SH3GL3: variants seen among roughly 807,000 people sequenced by gnomAD.
SH3GL3 encodes SH3 domain containing GRB2 like 3, endophilin A3.
In SH3GL3, 33 loss-of-function variants were observed where a neutral mutation model predicts 47.7. The observed-to-expected ratio is 0.69, with a 90% CI of 0.52 to 0.92. SH3GL3 has a LOEUF of 0.92. Among genes scored for constraint, SH3GL3 ranks in the 40% least tolerant of loss-of-function variants. The probability of loss-of-function intolerance (pLI) is 0.00; values close to 1 mark genes in which losing one functional copy is unlikely to be tolerated. For missense variants in SH3GL3, 363 were observed against 417.8 expected, an observed-to-expected ratio of 0.87 and a Z score of 1.14; for synonymous variants, 155 against 148.8, an observed-to-expected ratio of 1.04 and a Z score of -0.30.
chr15:83,520,433 G>A (rs1009099341), intron 1 of SH3GL3, among the ~76,000 whole-genome samples: 14 of 152,292 alleles, frequency 9.2e-5, no homozygotes, highest in African/African-American at 2.6e-4. Flanking sequence ...AGTAATTTGC[G>A]TGTGGTGAGA....
intron 1 of SH3GL3, among the ~76,000 whole-genome samples, chr15:83,496,115 T>C (rs1176032011): frequency 1.3e-5 from 2 of 152,052 alleles, no homozygotes; most frequent in African/African-American, 2.4e-5. Context: ...TCCCAGAACT[T>C]TGGGAGGCCA....
intron 1 of SH3GL3, among the ~76,000 whole-genome samples, chr15:83,485,805 A>C (rs563792244): frequency 6.6e-6 from 1 of 152,130 alleles, no homozygotes; most frequent in Admixed American, 6.5e-5. Context: ...CCGGAAGTTT[A>C]CTTTTTACTG....
chr15:83,526,376 G>A (rs763805697), intron 1 of SH3GL3, among the ~76,000 whole-genome samples: 1 of 152,178 alleles, frequency 6.6e-6, no homozygotes, highest in Non-Finnish European at 1.5e-5. Flanking sequence ...TATGTTCAAT[G>A]CAACACTATT....
chr15:83,550,289 GA>G (rs1251390731), intron 1 of SH3GL3, among the ~76,000 whole-genome samples: 1 of 152,228 alleles, frequency 6.6e-6, no homozygotes, highest in Non-Finnish European at 1.5e-5. Context: ...AGTCCTTGGA[GA>G]TTTTCCTATT....
At chr15:83,529,062 T>A (rs1158224481) in intron 1 of SH3GL3, among the ~76,000 whole-genome samples, 3 of 138,450 alleles carry the variant, frequency 2.2e-5, no homozygotes, top group Admixed American at 7.1e-5. Flanking sequence ...TATGATTTAT[T>A]TGATTGTGAA....
chr15:83,632,741 A>G, the SH3GL3 span, among the ~76,000 whole-genome samples: 2 of 152,156 alleles, frequency 1.3e-5, no homozygotes, highest in African/African-American at 4.8e-5. Flanking sequence ...ATTACCTCCC[A>G]CTGGGTCCCA....
At chr15:83,609,953 G>A (rs1476404405) in intron 8 of SH3GL3, among the ~76,000 whole-genome samples, 2 of 152,176 alleles carry the variant, frequency 1.3e-5, no homozygotes, top group African/African-American at 4.8e-5. Context: ...CCTGGAGTGG[G>A]CACTGTTTTT....
At chr15:83,510,366 A>G (rs2042696879) in intron 1 of SH3GL3, among the ~76,000 whole-genome samples, 1 of 152,184 alleles carries the variant, frequency 6.6e-6, no homozygotes, top group African/African-American at 2.4e-5. Flanking sequence ...CTGATGGCCC[A>G]CTATATTACA....
intron 1 of SH3GL3, among the ~76,000 whole-genome samples, chr15:83,474,949 A>G (rs2041026608): frequency 6.6e-6 from 1 of 152,032 alleles, no homozygotes. Context: ...CTGGCAAGAA[A>G]TGAGGTGGAG....
chr15:83,480,730 A>G, intron 1 of SH3GL3, among the ~76,000 whole-genome samples: 1 of 152,192 alleles, frequency 6.6e-6, no homozygotes, highest in East Asian at 1.9e-4. Flanking sequence ...AATAACAACT[A>G]TTTATTTAGC....
intron 1 of SH3GL3, chr15:83,491,054 C>T: frequency 1.3e-5 from 18 of 1,370,940 alleles, no homozygotes; most frequent in Non-Finnish European, 1.7e-5. Context: ...TGATGATTGA[C>T]AAAGACCTAA....
intron 5 of SH3GL3, 93 bp from the exon 6 acceptor site, chr15:83,576,490 G>T: frequency 8.1e-7 from 1 of 1,229,658 alleles, no homozygotes; most frequent in South Asian, 1.6e-5. Flanking sequence ...AATCTAGGCC[G>T]AGAAAAAGCA....
At chr15:83,543,741 T>C (rs1335602189) in intron 1 of SH3GL3, among the ~76,000 whole-genome samples, 1 of 152,106 alleles carries the variant, frequency 6.6e-6, no homozygotes, top group East Asian at 1.9e-4. Context: ...TGGTTTAATA[T>C]TGGTAGGTTG....
At chr15:83,580,239 G>A (rs958301634) in intron 6 of SH3GL3, among the ~76,000 whole-genome samples, 1 of 152,156 alleles carries the variant, frequency 6.6e-6, no homozygotes, top group Non-Finnish European at 1.5e-5. Flanking sequence ...GCTGTGCTTC[G>A]GGATGGCTGG....
chr15:83,619,122 G>C (rs893381239), downstream of SH3GL3, among the ~76,000 whole-genome samples: 1 of 152,106 alleles, frequency 6.6e-6, no homozygotes, highest in Non-Finnish European at 1.5e-5. Context: ...CCTACAGTAC[G>C]CACTAGTTAC....
chr15:83,522,180 G>A (rs2043233773), intron 1 of SH3GL3, among the ~76,000 whole-genome samples: 1 of 152,150 alleles, frequency 6.6e-6, no homozygotes, highest in Non-Finnish European at 1.5e-5. Context: ...CAGTTTCCCA[G>A]GAGAGAATGT....
chr15:83,490,867 C>G (rs1197012427), intron 1 of SH3GL3: 1 of 1,614,126 alleles, frequency 6.2e-7, no homozygotes, highest in Admixed American at 1.7e-5. Flanking sequence ...AATATGCAAT[C>G]AAGCTAATAG....
intron 1 of SH3GL3, among the ~76,000 whole-genome samples, chr15:83,517,205 C>CTTTTTTTTTTTTTTTTTTTTT (rs36096315): frequency 1.8e-5 from 2 of 109,690 alleles, no homozygotes; most frequent in Non-Finnish European, 1.9e-5. Flanking sequence ...CTTTTCTTTT[C>CTTTTTTTTTTTTTTTTTTTTT]TTTTTTTTTT....
intron 6 of SH3GL3, among the ~76,000 whole-genome samples, chr15:83,579,496 T>C (rs562949150): frequency 1.3e-4 from 20 of 152,326 alleles, no homozygotes; most frequent in Non-Finnish European, 2.1e-4. Flanking sequence ...AACTAGGCTC[T>C]TCCCTCCTTC....
Sources: gnomAD v4.1 joint callset for allele counts (sites outside exome capture counted in the v4.1 genomes callset) on GRCh38, gnomAD v4.1.1 for gene constraint, MANE v1.5 for transcripts, NCBI Gene and HGNC (gene_info 2026-07-23, HGNC 2026-07-21) for gene names.